DNAH1: variants seen among roughly 807,000 people sequenced by gnomAD.
The protein encoded by DNAH1 is axonemal beta dynein heavy chain 1.
Under a neutral mutation model 484.3 loss-of-function variants are expected in DNAH1, and 327 were observed. The ratio of observed to expected loss-of-function variants is 0.68; its 90% CI spans 0.62 to 0.74. The LOEUF (loss-of-function observed/expected upper bound fraction) is 0.74, where lower values mean the gene tolerates loss of function less well. Ranked by LOEUF, DNAH1 falls within the 30% of genes least tolerant of loss-of-function variation. The probability of loss-of-function intolerance (pLI) is 0.00; values close to 1 mark genes in which losing one functional copy is unlikely to be tolerated. For synonymous variants in DNAH1, 2,192 were observed against 2,191.9 expected (o/e 1.00, Z 0.00); for missense variants, 5,052 against 5,546.8 (o/e 0.91, Z 2.83).
At chr3:52,348,723 C>T (rs979029521) in intron 12 of DNAH1, among the ~76,000 whole-genome samples, 165 bp from the exon 13 acceptor site, 5 of 152,180 alleles carry the variant, frequency 3.3e-5, no homozygotes, top group East Asian at 1.9e-4. Flanking sequence ...CCCCTTCTCC[C>T]GCTGCATCCC....
intron 1 of DNAH1, among the ~76,000 whole-genome samples, chr3:52,321,190 C>T (rs180965857): frequency 6.0e-5 from 9 of 151,212 alleles, no homozygotes; most frequent in Admixed American, 5.9e-4. Context: ...GATCTGAGTT[C>T]ACTGTAACCT....
chr3:52,326,264 G>T lies in DNAH1; in HGVS notation c.531G>T (p.Val177=). 1 of 1,612,306 alleles carries T rather than the reference G, an allele frequency of 6.2e-7. No homozygotes were observed. Among genetic ancestry groups the T allele is most frequent in the Non-Finnish European group, 8.5e-7 (1 of 1,179,776 alleles). Reference sequence around the variant, plus strand: ...AGGCCTACGAGCCCAAGATGCAGGTGCCTTTCCAGGTGCTGCCAGGCCAGC... The same window carrying T: ...AGGCCTACGAGCCCAAGATGCAGGTTCCTTTCCAGGTGCTGCCAGGCCAGC... ...PLQAYEPKMQ[V]PFQVLPGQHP... Residue 177 remains valine (V), a synonymous_variant, in exon 4 of 78, where the codon GTG becomes GTT. Coordinates refer to ENST00000420323, the MANE Select transcript of DNAH1 (RefSeq NM_015512.5).
rs768114798 is a variant in DNAH1, at chr3:52,381,613, C to T, written c.7609-27C>T. The T allele has an allele frequency of 1.3e-6, 2 of 1,574,030 alleles. No individual in the cohort carries two copies. Among genetic ancestry groups the T allele is most frequent in the South Asian group, 2.3e-5 (2 of 85,820 alleles). On this transcript the variant is annotated intron_variant, in intron 48 of 77. Coordinates refer to ENST00000420323, the MANE Select transcript of DNAH1 (RefSeq NM_015512.5). This position sits in a 1 kb window ranked among gnomAD's most constrained non-coding sequence, Gnocchi z 4.1. Reference sequence around the variant, plus strand: ...GACCCTACAGTAAGAGAGACCCCGCCTTCCCCATCCTCGCCTTGGTGCACA... The same window carrying T: ...GACCCTACAGTAAGAGAGACCCCGCTTTCCCCATCCTCGCCTTGGTGCACA...
Position 52,361,901 on chromosome 3 carries a change from C to A in DNAH1, c.4980+135C>A. The A allele has an allele frequency of 1.1e-6, 1 of 935,970 alleles. No homozygotes were observed. The highest frequency in any genetic ancestry group is 1.6e-6 in the Non-Finnish European group (1 of 627,918). 58.0% of individuals were successfully genotyped at this position (935,970 alleles called of 1,614,324 possible). On this transcript the variant is annotated intron_variant, in intron 30 of 77. Coordinates refer to ENST00000420323, the MANE Select transcript of DNAH1 (RefSeq NM_015512.5). The surrounding 1 kb of genome is among the most constrained non-coding windows in gnomAD (Gnocchi z 5.6). ...GCCTCTCTTGTCCCGGGGGCACACC[C>A]TAACCCCAGTCTGTGGGCAGCTCCC...
chr3:52,323,951 G>A, intron 3 of DNAH1, 71 bp downstream of exon 3: 4 of 1,240,362 alleles, frequency 3.2e-6, no homozygotes, highest in South Asian at 2.7e-5. Flanking sequence ...GCCTCAGGGA[G>A]ACAGCCTTTT....
intron 7 of DNAH1, 83 bp from the exon 8 acceptor site, chr3:52,332,059 C>A: frequency 5.4e-6 from 8 of 1,487,034 alleles, no homozygotes; most frequent in Non-Finnish European, 7.2e-6. Flanking sequence ...ACTGGGCATC[C>A]ACGGCACAGC....
chr3:52,386,427 A>G, intron 55 of DNAH1, 82 bp downstream of exon 55: 1 of 1,456,236 alleles, frequency 6.9e-7, no homozygotes, highest in Non-Finnish European at 9.1e-7. Context: ...CCTGGGACCC[A>G]GCAGCCTGCC....
At chr3:52,399,305 C>A in intron 76 of DNAH1, 104 bp downstream of exon 76, 1 of 1,260,828 alleles carries the variant, frequency 7.9e-7, no homozygotes, top group Non-Finnish European at 1.1e-6. Flanking sequence ...ACCCCTAAGC[C>A]AGGGCATGGA....
Position 52,370,802 on chromosome 3 carries a change from G to A in DNAH1, c.6502G>A (p.Asp2168Asn). Residue 2168 changes from aspartate to asparagine, a missense_variant, in exon 41 of 78, where the codon GAT becomes AAT. Around this residue, in one of 4 missense-constraint regions of DNAH1, gnomAD observed 2,929 missense variants for 3,409.4 expected, o/e 0.86. Transcript: ENST00000420323. The stretch of plus-strand genomic sequence containing the variant: ...CATCAGTGGCACCAACGACAGTGAG[G>A]ATGAAGAGGAGGAATACAAGCAGGT... The part of the protein sequence containing the change: ...AGISGTNDSE[D>N]EEEEYKQVAW... 1 of 1,604,370 alleles carries A rather than the reference G, an allele frequency of 6.2e-7. No homozygotes were observed. The highest frequency in any genetic ancestry group is 8.5e-7 in the Non-Finnish European group (1 of 1,175,868).
At position 52,382,379 on chromosome 3, in the gene DNAH1, G is replaced by A. The variant is rs200587980; in HGVS notation, c.7865G>A (p.Arg2622Gln). 4.2e-4 allele frequency: 679 copies of A among 1,614,004 alleles called. No homozygotes were observed. The highest frequency in any genetic ancestry group is 5.4e-4 in the Non-Finnish European group (635 of 1,179,888). Reference protein sequence around the residue: ...LSKNYGMSEWRDDVKKVLLKA... With the variant: ...LSKNYGMSEWQDDVKKVLLKA... ...AAGAACTACGGCATGTCCGAGTGGC[G>A]AGATGATGTGAAGAAGGTCCTGCTC... The change falls in exon 50 of 78, where the codon CGA becomes CAA. Residue 2622 changes from arginine (R) to glutamine (Q), a missense_variant. By Grantham distance (43) the Arg-to-Gln change is conservative. Coordinates refer to ENST00000420323, the MANE Select transcript of DNAH1 (RefSeq NM_015512.5).
chr3:52,371,854 T>C, intron 41 of DNAH1, 92 bp from the exon 42 acceptor site: 1 of 1,548,632 alleles, frequency 6.5e-7, no homozygotes, highest in Non-Finnish European at 8.7e-7. Context: ...GCCGTGCAGC[T>C]CCTGGCCCTT....
chr3:52,387,579 C>G (rs1227936958), intron 56 of DNAH1, among the ~76,000 whole-genome samples: 2 of 152,218 alleles, frequency 1.3e-5, no homozygotes, highest in Non-Finnish European at 2.9e-5. Context: ...TTCCATCAGA[C>G]AGGAAACTAG....
chr3:52,397,123 G>A (rs1017833383), intron 73 of DNAH1, 79 bp downstream of exon 73: 1 of 1,329,604 alleles, frequency 7.5e-7, no homozygotes, highest in Non-Finnish European at 1.0e-6. Context: ...CTTGGTGCTG[G>A]GTGGGAGGAG....
chr3:52,311,914 T>C (rs1007547366), upstream of DNAH1, among the ~76,000 whole-genome samples: 2 of 152,186 alleles, frequency 1.3e-5, no homozygotes, highest in African/African-American at 4.8e-5. Context: ...AGCCCCTCCA[T>C]GGGCAGCACC....
Position 52,347,898 on chromosome 3 carries a change from A to G in DNAH1, c.2030A>G (p.Glu677Gly). The stretch of plus-strand genomic sequence containing the variant: ...GGGGTGCACTATAGCACCCCACTGG[A>G]GCAGTTTGAGGCATCTCTGCTGAAC... ...SSGVHYSTPLEQFEASLLNLF... is the reference protein window; with the variant it reads ...SSGVHYSTPLGQFEASLLNLF... The change falls in exon 12 of 78, where the codon GAG becomes GGG. Residue 677 changes from glutamate to glycine, a missense_variant. Transcript: ENST00000420323. The G allele has an allele frequency of 6.2e-7, 1 of 1,608,850 alleles. No homozygotes were observed. The highest frequency in any genetic ancestry group is 8.5e-7 in the Non-Finnish European group (1 of 1,177,644).
upstream of DNAH1, among the ~76,000 whole-genome samples, chr3:52,312,126 C>T (rs539108370): frequency 3.0e-4 from 46 of 152,314 alleles, no homozygotes; most frequent in Middle Eastern, 3.4e-3. Flanking sequence ...ACCGAGGGTC[C>T]AGCTGCCAAG....
intron 3 of DNAH1, among the ~76,000 whole-genome samples, chr3:52,324,518 G>A (rs979823666): frequency 6.6e-6 from 1 of 152,082 alleles, no homozygotes; most frequent in Non-Finnish European, 1.5e-5. Flanking sequence ...CAGACAGGAC[G>A]TCCCCTTGGA....
chr3:52,352,063 T>C lies in DNAH1; in HGVS notation c.2831T>C (p.Met944Thr), dbSNP rs1445479418. 2 of 1,587,706 alleles carry C rather than the reference T, an allele frequency of 1.3e-6. No homozygotes were observed. Among genetic ancestry groups the C allele is most frequent in the East Asian group, 4.6e-5 (2 of 43,628 alleles). Residue 944 changes from methionine to threonine, a missense_variant, in exon 17 of 78, where the codon ATG becomes ACG. This residue lies in a region of DNAH1 where 1,263 missense variants were observed against 1,218.8 expected (regional missense o/e 1.04). Transcript: ENST00000420323. ...DEEKFRKIQI[M>T]DQNNFQEKLE... ...GAGAAGTTCCGCAAAATCCAGATCA[T>C]GGATCAGAACAACTTCCAAGAGAAG...
chr3:52,398,260 C>A, intron 75 of DNAH1, 98 bp downstream of exon 75: 2 of 1,407,612 alleles, frequency 1.4e-6, no homozygotes, highest in Non-Finnish European at 1.9e-6. Context: ...ATGCCAAGTG[C>A]TACACATCCT....
Sources: gnomAD v4.1 joint callset for allele counts (sites outside exome capture counted in the v4.1 genomes callset) on GRCh38, gnomAD v4.1.1 for gene constraint, gnomAD v4.1.1 regional missense constraint, Gnocchi (gnomAD v3.1) non-coding constraint, MANE v1.5 for transcripts, NCBI Gene and HGNC (gene_info 2026-07-23, HGNC 2026-07-21) for gene names.